Variants in LRRK1 observed in about 807,000 individuals in gnomAD.
LRRK1 encodes leucine rich repeat kinase 1, also known as leucine-rich repeat serine/threonine-protein kinase 1.
In LRRK1, 113 loss-of-function variants were observed where a neutral mutation model predicts 209.1. That is an observed-to-expected ratio of 0.54 (90% CI 0.46 to 0.63). LRRK1 has a LOEUF of 0.63. Ranked by LOEUF, LRRK1 falls within the 30% of genes least tolerant of loss-of-function variation. The probability of loss-of-function intolerance (pLI) is 0.00; values close to 1 mark genes in which losing one functional copy is unlikely to be tolerated. For synonymous variants in LRRK1, 1,144 were observed against 1,099.7 expected, an observed-to-expected ratio of 1.04 and a Z score of -0.80; for missense variants, 2,284 against 2,632.2, an observed-to-expected ratio of 0.87 and a Z score of 2.89.
Position 100,924,656 on chromosome 15 carries a change from C to T in LRRK1, c.24C>T (p.Pro8=), listed in dbSNP as rs770644994. The change falls in exon 2 of 34, where the codon CCC becomes CCT. Residue 8 remains proline (P), a synonymous_variant. Coordinates refer to ENST00000388948, the MANE Select transcript of LRRK1 (RefSeq NM_024652.6). MAGMSQR[P]PSMYWCVGPE... Reference sequence around the variant, plus strand: ...TGATGGCTGGCATGTCGCAAAGACCCCCCAGCATGTACTGGTGTGTGGGGC... The same window carrying T: ...TGATGGCTGGCATGTCGCAAAGACCTCCCAGCATGTACTGGTGTGTGGGGC... 4.3e-6 allele frequency: 7 copies of T among 1,614,022 alleles called. No individual in the cohort carries two copies. The Admixed American group carries it at 1.2e-4, about 27-fold the overall frequency.
At chr15:100,942,520 A>C (rs2042460227) in intron 2 of LRRK1, among the ~76,000 whole-genome samples, 1 of 152,218 alleles carries the variant, frequency 6.6e-6, no homozygotes, top group South Asian at 2.1e-4. Flanking sequence ...CAGTTATGGA[A>C]GACATGGATT....
intron 24 of LRRK1, 79 bp from the exon 25 acceptor site, chr15:101,052,843 G>A (rs1248699666): frequency 2.1e-5 from 31 of 1,498,412 alleles, no homozygotes; most frequent in Admixed American, 1.9e-4. Context: ...ACTCTCGGCC[G>A]TTGGGGCAAA....
intron 5 of LRRK1, 103 bp downstream of exon 5, chr15:100,988,916 C>T: frequency 1.1e-6 from 1 of 948,434 alleles, no homozygotes; most frequent in African/African-American, 1.7e-5. Context: ...CTCAAATCAC[C>T]TCTGTGAGGA....
At chr15:101,047,453 C>A (rs541841987) in intron 21 of LRRK1, among the ~76,000 whole-genome samples, 1 of 152,176 alleles carries the variant, frequency 6.6e-6, no homozygotes, top group East Asian at 1.9e-4. Context: ...GCACTAGCAT[C>A]GTGGGAGGCT....
rs774155294 is a variant in LRRK1, at chr15:101,010,664, T to G, written c.1118-10T>G. 4 of 1,589,320 alleles carry G rather than the reference T, an allele frequency of 2.5e-6. No individual in the cohort carries two copies. Among genetic ancestry groups the G allele is most frequent in the Non-Finnish European group, 3.4e-6 (4 of 1,172,898 alleles). On this transcript the variant is annotated splice_polypyrimidine_tract_variant and intron_variant, in intron 8 of 33. Coordinates refer to ENST00000388948, the MANE Select transcript of LRRK1 (RefSeq NM_024652.6). Reference sequence around the variant, plus strand: ...CAATTCATACTTTGGGTCTTTTTTTTTTTTTTTAGCCACTAACTGGATAGG... The same window carrying G: ...CAATTCATACTTTGGGTCTTTTTTTGTTTTTTTAGCCACTAACTGGATAGG...
chr15:101,068,629 G>A (rs1417314494), intron 33 of LRRK1, 42 bp from the exon 34 acceptor site: 3 of 1,527,860 alleles, frequency 2.0e-6, no homozygotes, highest in South Asian at 2.6e-5. Flanking sequence ...CCACCCGAGT[G>A]GGAACCCCTG....
At chr15:101,032,928 G>A (rs900347360) in intron 20 of LRRK1, among the ~76,000 whole-genome samples, 8 of 152,108 alleles carry the variant, frequency 5.3e-5, no homozygotes, top group South Asian at 2.1e-4. Context: ...TTGCGTGAGC[G>A]TTTTGTATTA....
chr15:100,927,014 T>C (rs940212798), intron 2 of LRRK1, among the ~76,000 whole-genome samples: 10 of 152,316 alleles, frequency 6.6e-5, no homozygotes, highest in African/African-American at 2.4e-4. Context: ...AGTTCCCTAG[T>C]GATTCTAACG....
intron 30 of LRRK1, 29 bp downstream of exon 30, chr15:101,061,317 G>A (rs371349056): frequency 2.6e-5 from 40 of 1,534,546 alleles, no homozygotes; most frequent in Middle Eastern, 3.6e-4. Context: ...CCTGCCCACC[G>A]AGGTAAGCAC....
chr15:101,059,845 G>A (rs367893513), intron 29 of LRRK1, among the ~76,000 whole-genome samples: 29 of 152,288 alleles, frequency 1.9e-4, no homozygotes, highest in East Asian at 9.6e-4. Context: ...GTCCAGGTCC[G>A]GGGCAGGGAG....
At chr15:101,006,898 A>G (rs1015833452) in intron 6 of LRRK1, among the ~76,000 whole-genome samples, 2 of 152,236 alleles carry the variant, frequency 1.3e-5, no homozygotes, top group African/African-American at 2.4e-5. Flanking sequence ...AATAGTAACA[A>G]TCAAACAGGC....
chr15:101,066,135 G>C lies in LRRK1; in HGVS notation c.5698G>C (p.Gly1900Arg), dbSNP rs537362756. The change falls in exon 32 of 34, where the codon GGG becomes CGG. Residue 1900 changes from glycine (G) to arginine (R), a missense_variant. By Grantham distance (125) the Gly-to-Arg change is moderately radical. Coordinates refer to ENST00000388948, the MANE Select transcript of LRRK1 (RefSeq NM_024652.6). ...TGAGCATGACCTGACCCCCATGGAC[G>C]GGGAGACCTTCAGCCAGCACCTGCA... ...RSEHDLTPMDGETFSQHLQAV... is the reference protein window; with the variant it reads ...RSEHDLTPMDRETFSQHLQAV... 1.3e-5 allele frequency: 21 copies of C among 1,613,960 alleles called. No homozygotes were observed. The East Asian group carries it at 3.1e-4, about 24-fold the overall frequency.
chr15:100,945,482 CTTTTTTTTTTTT>C (rs34038990), intron 2 of LRRK1, among the ~76,000 whole-genome samples: 46 of 63,608 alleles, frequency 7.2e-4, no homozygotes, highest in African/African-American at 2.2e-3. Context: ...TGCAGAGCCT[CTTTTTTTTTTTT>C]TTTTTTTTTT....
intron 19 of LRRK1, among the ~76,000 whole-genome samples, chr15:101,028,299 T>C (rs1338248821): frequency 1.3e-5 from 2 of 152,232 alleles, no homozygotes; most frequent in African/African-American, 4.8e-5. Context: ...TAATATATGT[T>C]GTTGATTTGT....
intron 29 of LRRK1, among the ~76,000 whole-genome samples, chr15:101,059,679 C>G (rs544581628): frequency 6.6e-6 from 1 of 152,116 alleles, no homozygotes; most frequent in Non-Finnish European, 1.5e-5. Flanking sequence ...TGGATAGACT[C>G]GTGACATAGT....
Position 101,027,221 on chromosome 15 carries a change from G to T in LRRK1, c.2406-40G>T. ...AGAGAAGCAGCAGCGCTTCCTCGGA[G>T]TGGGGCATGATGAGTAAAGACGGGT... is the stretch of plus-strand genomic sequence containing the variant. On this transcript the variant is annotated intron_variant, in intron 17 of 33. Transcript: ENST00000388948. This position sits in a 1 kb window ranked among gnomAD's most constrained non-coding sequence, Gnocchi z 5.1. 1 of 1,609,334 alleles carries T rather than the reference G, an allele frequency of 6.2e-7. No individual in the cohort carries two copies. The highest frequency in any genetic ancestry group is 8.5e-7 in the Non-Finnish European group (1 of 1,176,828).
intron 2 of LRRK1, among the ~76,000 whole-genome samples, chr15:100,964,757 T>C (rs1171437929): frequency 3.3e-5 from 5 of 151,714 alleles, no homozygotes; most frequent in African/African-American, 4.9e-5. Flanking sequence ...TTCTAAGTGT[T>C]TTCCTTGGTG....
At chr15:101,018,211 C>CA (rs1260197203) in intron 12 of LRRK1, among the ~76,000 whole-genome samples, 6 of 139,970 alleles carry the variant, frequency 4.3e-5, no homozygotes, top group South Asian at 2.3e-4. Flanking sequence ...ACACAATAGG[C>CA]AAAAAAAATG....
intron 2 of LRRK1, among the ~76,000 whole-genome samples, chr15:100,941,452 GTGTCTATGTCTC>G (rs1476488892): frequency 5.9e-5 from 7 of 118,414 alleles, no homozygotes; most frequent in African/African-American, 2.4e-4. Flanking sequence ...GTGTCTGTGT[GTGTCTATGTCTC>G]TGTGTGTGTG....
Sources: gnomAD v4.1 joint callset for allele counts (sites outside exome capture counted in the v4.1 genomes callset) on GRCh38, gnomAD v4.1.1 for gene constraint, Gnocchi (gnomAD v3.1) non-coding constraint, MANE v1.5 for transcripts, NCBI Gene and HGNC (gene_info 2026-07-23, HGNC 2026-07-21) for gene names.